PXDN: variants seen among roughly 807,000 people sequenced by gnomAD.
The protein encoded by PXDN is peroxidasin homolog.
Under a neutral mutation model 140.3 loss-of-function variants are expected in PXDN, and 77 were observed. The ratio of observed to expected loss-of-function variants is 0.55; its 90% CI spans 0.46 to 0.66. The LOEUF is 0.66. Among genes scored for constraint, PXDN ranks in the 30% least tolerant of loss-of-function variants. The pLI is 0.00. For missense variants in PXDN, 1,838 were observed against 2,039.5 expected (o/e 0.90, Z 1.90); for synonymous variants, 911 against 857.4 (o/e 1.06, Z -1.09).
chr2:1,705,339 A>C (rs1684570695), intron 1 of PXDN, among the ~76,000 whole-genome samples: 1 of 152,146 alleles, frequency 6.6e-6, no homozygotes, highest in South Asian at 2.1e-4. Flanking sequence ...GCCACTCCCC[A>C]TGAGCCCAGA....
chr2:1,660,826 T>C lies in PXDN; in HGVS notation c.1837+55A>G. ...CTGGCCTGGGACCACACTAGGGACC[T>C]GCGGGCTTTCTTTGTGGATACCATG... On this transcript the variant is annotated intron_variant, in intron 14 of 22. Transcript: ENST00000252804. The surrounding 1 kb of genome is among the most constrained non-coding windows in gnomAD (Gnocchi z 4.6). The C allele has an allele frequency of 6.4e-7, 1 of 1,567,034 alleles. No individual in the cohort carries two copies. Among genetic ancestry groups the C allele is most frequent in the Non-Finnish European group, 8.7e-7 (1 of 1,153,776 alleles).
intron 1 of PXDN, among the ~76,000 whole-genome samples, chr2:1,715,604 G>C (rs1388852798): frequency 6.6e-6 from 1 of 152,182 alleles, no homozygotes; most frequent in African/African-American, 2.4e-5. Flanking sequence ...ACCACAGCAA[G>C]TCAGCCACAG....
In PXDN at chr2:1,676,808, T is replaced by C. The variant is rs993495342; in HGVS notation, c.848+119A>G. 3.2e-6 allele frequency: 3 copies of C among 936,874 alleles called. No homozygotes were observed. In the African/African-American group the frequency reaches 4.9e-5, roughly 15 times the overall value. 58.0% of individuals were successfully genotyped at this position (936,874 alleles called of 1,614,324 possible). On this transcript the variant is annotated intron_variant, in intron 8 of 22. Coordinates refer to ENST00000252804, the MANE Select transcript of PXDN (RefSeq NM_012293.3). ...CAGAAATAGTTTCTCCTTTGTACTT[T>C]TCCCTACGTGGAGGAGGAAAAGTGG...
rs1236554354 is a variant in PXDN, at chr2:1,632,441, G to A, written c.*1763C>T. 6.6e-6 allele frequency: 1 copy of A among 152,144 alleles called. No individual in the cohort carries two copies. The highest frequency in any genetic ancestry group is 1.5e-5 in the Non-Finnish European group (1 of 68,044). 9.4% of individuals were successfully genotyped at this position (152,144 alleles called of 1,614,324 possible). ...CTTCCACAATTTGGTCACTACATTT[G>A]ACTTGCTATTTCAAAAGAAGTCCAC... On this transcript the variant is annotated 3_prime_UTR_variant, in exon 23 of 23. Transcript: ENST00000252804. This position sits in a 1 kb window ranked among gnomAD's most constrained non-coding sequence, Gnocchi z 4.3.
In PXDN at chr2:1,708,992, G is replaced by A. The variant is rs536211485; in HGVS notation, c.201-15858C>T. On this transcript the variant is annotated intron_variant, in intron 1 of 22. Transcript: ENST00000252804. ...TGTTGTCTGATTTCACAGACAGCAC[G>A]GTGACAGGCATGATCTGCTGAGGCT... Among the ~76,000 whole-genome samples, 186 of 152,296 alleles carry A rather than the reference G, an allele frequency of 1.2e-3. 1 individual carries two copies. The highest frequency in any genetic ancestry group is 4.4e-3 in the African/African-American group (182 of 41,570).
chr2:1,662,114 G>A lies in PXDN; in HGVS notation c.1638C>T (p.Cys546=). The A allele has an allele frequency of 1.3e-6, 2 of 1,597,956 alleles. No homozygotes were observed. The highest frequency in any genetic ancestry group is 1.7e-6 in the Non-Finnish European group (2 of 1,172,796). ...VEVGANVQLP[C]SSQGEPEPAI... Reference sequence around the variant, plus strand: ...CTGGCTCGGGCTCGCCCTGGGAGCTGCACGGGAGCTGCACATTGGCGCCCA... The same window carrying A: ...CTGGCTCGGGCTCGCCCTGGGAGCTACACGGGAGCTGCACATTGGCGCCCA... Residue 546 remains cysteine (C), a synonymous_variant, in exon 13 of 23, where the codon TGC becomes TGT. Transcript: ENST00000252804.
chr2:1,708,102 C>T (rs750300835), intron 1 of PXDN, among the ~76,000 whole-genome samples: 8 of 152,196 alleles, frequency 5.3e-5, no homozygotes, highest in Non-Finnish European at 1.0e-4. Context: ...CACCTCCCCG[C>T]CAAGTAAACC....
chr2:1,730,025 T>C (rs1433192998), intron 1 of PXDN, among the ~76,000 whole-genome samples: 2 of 152,016 alleles, frequency 1.3e-5, no homozygotes, highest in African/African-American at 4.8e-5. Context: ...TTTTTGAAAA[T>C]AGATACATGA....
chr2:1,666,351 A>G lies in PXDN; in HGVS notation c.1154T>C (p.Val385Ala). 1 of 1,614,012 alleles carries G rather than the reference A, an allele frequency of 6.2e-7. No homozygotes were observed. Among genetic ancestry groups the G allele is most frequent in the African/African-American group, 1.3e-5 (1 of 75,072 alleles). ...AGGCGTGATGTTCACCCGCGGGTCA[A>G]CTGGCAAGGGTGTGCGGTCACCTCT... ...WTRGDRTPLP[V>A]DPRVNITPSG... The change falls in exon 10 of 23, where the codon GTT (valine) becomes GCT (alanine). Residue 385 changes from valine (V) to alanine (A), a missense_variant. This residue lies in a region of PXDN where 208 missense variants were observed against 325.8 expected (regional missense o/e 0.64). Transcript: ENST00000252804.
rs576750833 is a variant in PXDN, at chr2:1,650,516, C to T, written c.2105-841G>A. ...CTTCCTAAGTTCAGATCCTAGTCTT[C>T]GCCTTCAAGACACCTGCTCCAAGCA... is the stretch of plus-strand genomic sequence containing the variant. On this transcript the variant is annotated intron_variant, in intron 16 of 22. Coordinates refer to ENST00000252804, the MANE Select transcript of PXDN (RefSeq NM_012293.3). Among the ~76,000 whole-genome samples the T allele has an allele frequency of 6.6e-5, 10 of 152,300 alleles. No homozygotes were observed. The South Asian group carries it at 2.1e-3, about 32-fold the overall frequency.
At chr2:1,729,084 C>T (rs1045897186) in intron 1 of PXDN, among the ~76,000 whole-genome samples, 3 of 152,012 alleles carry the variant, frequency 2.0e-5, no homozygotes, top group Middle Eastern at 3.2e-3. Flanking sequence ...AGGCAGAGAT[C>T]AAACAAGACA....
chr2:1,736,871 T>C (rs1286831290), intron 1 of PXDN, among the ~76,000 whole-genome samples: 1 of 152,182 alleles, frequency 6.6e-6, no homozygotes, highest in Non-Finnish European at 1.5e-5. Context: ...TTATCTCATG[T>C]GGACAAAGGT....
intron 8 of PXDN, 35 bp from the exon 9 acceptor site, chr2:1,673,847 G>A: frequency 7.5e-6 from 12 of 1,610,210 alleles, no homozygotes; most frequent in Non-Finnish European, 1.0e-5. Flanking sequence ...GTCAAGTGTT[G>A]AAAGCACAAA....
chr2:1,740,010 A>G (rs980981611), intron 1 of PXDN, among the ~76,000 whole-genome samples: 1 of 152,228 alleles, frequency 6.6e-6, no homozygotes, highest in Non-Finnish European at 1.5e-5. Context: ...CATCCCGCAT[A>G]GGGCGGAGAG....
chr2:1,725,133 T>C (rs1201955779), intron 1 of PXDN, among the ~76,000 whole-genome samples: 2 of 152,238 alleles, frequency 1.3e-5, no homozygotes, highest in Non-Finnish European at 2.9e-5. Context: ...TCATAACAGA[T>C]TGTTTTCTTG....
chr2:1,640,261 T>C (rs572504354), intron 19 of PXDN, among the ~76,000 whole-genome samples: 1 of 152,344 alleles, frequency 6.6e-6, no homozygotes, highest in South Asian at 2.1e-4. Context: ...GTCTGTCTTG[T>C]ACATCATCCC....
chr2:1,708,296 C>G (rs1165489931), intron 1 of PXDN, among the ~76,000 whole-genome samples: 1 of 152,182 alleles, frequency 6.6e-6, no homozygotes, highest in Non-Finnish European at 1.5e-5. Context: ...ACGCTTTAGC[C>G]GACAAAGCTC....
intron 13 of PXDN, among the ~76,000 whole-genome samples, chr2:1,661,732 T>C (rs959103100): frequency 1.3e-5 from 2 of 152,224 alleles, no homozygotes; most frequent in African/African-American, 4.8e-5. Flanking sequence ...TCCTTATTGA[T>C]GATGAGACCA....
At chr2:1,708,783 G>A (rs1263266952) in intron 1 of PXDN, among the ~76,000 whole-genome samples, 1 of 152,192 alleles carries the variant, frequency 6.6e-6, no homozygotes, top group African/African-American at 2.4e-5. Flanking sequence ...TATCGATTTG[G>A]ATCACCTCAC....
Sources: gnomAD v4.1 joint callset for allele counts (sites outside exome capture counted in the v4.1 genomes callset) on GRCh38, gnomAD v4.1.1 for gene constraint, gnomAD v4.1.1 regional missense constraint, Gnocchi (gnomAD v3.1) non-coding constraint, MANE v1.5 for transcripts, NCBI Gene and HGNC (gene_info 2026-07-23, HGNC 2026-07-21) for gene names.